RAI2: variants seen among roughly 807,000 people sequenced by gnomAD.
The protein encoded by RAI2 is retinoic acid-induced protein 2.
RAI2 carries 5 observed loss-of-function variants against 15.3 expected under a neutral mutation model. The observed-to-expected ratio is 0.33, with a 90% CI of 0.17 to 0.69. The LOEUF is 0.69. Ranked by LOEUF, RAI2 falls within the 30% of genes least tolerant of loss-of-function variation. RAI2 has a pLI of 0.69. For missense variants in RAI2, 424 were observed against 424.7 expected (o/e 1.00, Z 0.01); for synonymous variants, 191 against 184.0 (o/e 1.04, Z -0.31).
chrX:17,818,640 C>G (rs896693064), intron 1 of RAI2, among the ~76,000 whole-genome samples: 1 of 112,413 alleles, frequency 8.9e-6, no homozygotes, highest in South Asian at 3.7e-4. Flanking sequence ...GCAGGCTTCA[C>G]GCTTGTGAGG....
chrX:17,805,360 C>T (rs947472520), intron 1 of RAI2, among the ~76,000 whole-genome samples: 2 of 113,034 alleles, frequency 1.8e-5, no homozygotes, highest in East Asian at 2.8e-4. Flanking sequence ...CCACAAGGGG[C>T]CTCGTCTGTC....
chrX:17,812,519 C>A (rs1349014278), intron 1 of RAI2, among the ~76,000 whole-genome samples: 1 of 111,594 alleles, frequency 9.0e-6, no homozygotes, highest in Non-Finnish European at 1.9e-5. Context: ...AGACTGAAAG[C>A]CTGGGGGAGA....
rs35817256 is a variant in RAI2, at chrX:17,800,729, T to A, written c.1282A>T (p.Ile428Phe). The A allele has an allele frequency of 9.9e-6, 12 of 1,209,762 alleles. No homozygotes were observed. The African/African-American group carries it at 2.1e-4, about 21-fold the overall frequency. ...GCCTGGGACTCGCCCACCATCTCAA[T>A]GTTATTTTCAGCCTTGACTTCGCCG... ...PSGEVKAENN[I>F]EMVGESQAAK... The change falls in exon 2 of 2, where the codon ATT (isoleucine) becomes TTT (phenylalanine). Residue 428 changes from isoleucine to phenylalanine, a missense_variant. Coordinates refer to ENST00000451717, the MANE Select transcript of RAI2 (RefSeq NM_021785.6).
intron 1 of RAI2, among the ~76,000 whole-genome samples, chrX:17,823,782 G>A (rs1210335155): frequency 3.6e-5 from 4 of 111,938 alleles, no homozygotes; most frequent in Non-Finnish European, 5.6e-5. Flanking sequence ...ATCATCCATG[G>A]TTGGGCCTGG....
rs138717812 is a variant in RAI2 at position 17,801,238 on chromosome X, G to A, written c.773C>T (p.Ser258Phe). The A allele has an allele frequency of 1.5e-3, 1,820 of 1,206,583 alleles. 10 individuals are homozygous for A. The highest frequency in any genetic ancestry group is 5.0e-3 in the African/African-American group (282 of 56,638). Residue 258 changes from serine (S) to phenylalanine (F), a missense_variant, in exon 2 of 2, where the codon TCC (serine) becomes TTC (phenylalanine). Physicochemically the swap from Ser to Phe is radical, Grantham distance 155. Transcript: ENST00000451717. Reference sequence around the variant, plus strand: ...CTTGGGGAAACTGGAGCTGAACTTGGATTCAGAACTCTGAGGCATCGGGAT... The same window carrying A: ...CTTGGGGAAACTGGAGCTGAACTTGAATTCAGAACTCTGAGGCATCGGGAT... ...IPIPMPQSSESKFSSSFPKPP... is the reference protein window; with the variant it reads ...IPIPMPQSSEFKFSSSFPKPP...
intron 1 of RAI2, among the ~76,000 whole-genome samples, chrX:17,849,205 A>G (rs1307266201): frequency 8.9e-6 from 1 of 112,560 alleles, no homozygotes; most frequent in Admixed American, 9.3e-5. Flanking sequence ...AGAGATGTAA[A>G]GTCTGCAGAG....
chrX:17,853,262 T>C (rs1417428103), intron 1 of RAI2, among the ~76,000 whole-genome samples: 1 of 112,119 alleles, frequency 8.9e-6, no homozygotes, highest in Non-Finnish European at 1.9e-5. Flanking sequence ...TATAGACCCT[T>C]CCACCAACCT....
At chrX:17,858,708 T>C (rs187039271) in intron 1 of RAI2, among the ~76,000 whole-genome samples, 2 of 112,577 alleles carry the variant, frequency 1.8e-5, no homozygotes, top group Admixed American at 9.3e-5. Flanking sequence ...AAATGTGTCT[T>C]ACAGTTCTTC....
intron 1 of RAI2, among the ~76,000 whole-genome samples, chrX:17,856,826 CGT>C (rs775662189): frequency 8.9e-6 from 1 of 111,890 alleles, no homozygotes; most frequent in South Asian, 3.8e-4. Flanking sequence ...GATACAGAAA[CGT>C]GATCAAATTA....
chrX:17,825,161 GA>G (rs59502304), intron 1 of RAI2, among the ~76,000 whole-genome samples: 2,424 of 112,517 alleles, frequency 0.022, 67 homozygotes, highest in African/African-American at 0.073. Context: ...GCAGTGGGGG[GA>G]AAAAAATCAA....
intron 1 of RAI2, among the ~76,000 whole-genome samples, chrX:17,847,183 C>A (rs2067473937): frequency 8.9e-6 from 1 of 112,147 alleles, no homozygotes; most frequent in Admixed American, 9.4e-5. Context: ...CATCACCAAG[C>A]CTCAGAGAGG....
At chrX:17,807,990 G>A (rs962289997) in intron 1 of RAI2, among the ~76,000 whole-genome samples, 3 of 112,233 alleles carry the variant, frequency 2.7e-5, no homozygotes, top group Non-Finnish European at 5.6e-5. Context: ...ACCCAAGCTT[G>A]TCCAACTGGC....
In RAI2 at chrX:17,843,048, C is replaced by G. The variant is rs187533339; in HGVS notation, c.-25+18050G>C. On this transcript the variant is annotated intron_variant, in intron 1 of 1. Transcript: ENST00000451717. ...CACAGGAGGAAATATGCACTCATCA[C>G]TGAGATATTAGGGACTGAATCCTGA... Among the ~76,000 whole-genome samples, 16 of 112,106 alleles carry G rather than the reference C, an allele frequency of 1.4e-4. No individual in the cohort carries two copies. In the East Asian group the frequency reaches 2.8e-3, roughly 20 times the overall value.
intron 1 of RAI2, among the ~76,000 whole-genome samples, chrX:17,851,704 A>G (rs976174449): frequency 8.1e-5 from 9 of 111,634 alleles, no homozygotes; most frequent in African/African-American, 2.9e-4. Flanking sequence ...TAATAAAGAG[A>G]AAAACAGCAA....
chrX:17,850,952 A>G (rs959503495), intron 1 of RAI2, among the ~76,000 whole-genome samples: 6 of 112,849 alleles, frequency 5.3e-5, no homozygotes, highest in African/African-American at 1.9e-4. Context: ...CTTTTCTTCC[A>G]CTTCACTGTG....
chrX:17,807,640 A>G (rs916776670), intron 1 of RAI2, among the ~76,000 whole-genome samples: 2 of 111,924 alleles, frequency 1.8e-5, no homozygotes, highest in African/African-American at 3.3e-5. Flanking sequence ...CGGGAAGAGC[A>G]GAGGGTCAGA....
chrX:17,834,760 A>G (rs1186297200), intron 1 of RAI2, among the ~76,000 whole-genome samples: 1 of 111,250 alleles, frequency 9.0e-6, no homozygotes, highest in Non-Finnish European at 1.9e-5. Context: ...AAGGCAGGGT[A>G]AGAGAAGAGA....
chrX:17,828,928 G>C (rs1245903930), intron 1 of RAI2, among the ~76,000 whole-genome samples: 2 of 111,687 alleles, frequency 1.8e-5, no homozygotes, highest in Non-Finnish European at 3.8e-5. Context: ...CACACTGCAT[G>C]TGGCTTAGAG....
At chrX:17,845,423 T>C (rs755057367) in intron 1 of RAI2, among the ~76,000 whole-genome samples, 5 of 112,654 alleles carry the variant, frequency 4.4e-5, no homozygotes, top group Middle Eastern at 9.2e-3. Flanking sequence ...TGCTTTTCCC[T>C]GTCACTGGTG....
Sources: allele counts gnomAD v4.1 joint callset (sites outside exome capture counted in the v4.1 genomes callset), GRCh38; gene constraint gnomAD v4.1.1; transcripts MANE v1.5; gene names NCBI Gene and HGNC (gene_info 2026-07-23, HGNC 2026-07-21).